SLC49A3: variants seen among roughly 807,000 people sequenced by gnomAD.
SLC49A3 encodes solute carrier family 49 member 3.
Under a neutral mutation model 43.8 loss-of-function variants are expected in SLC49A3, and 50 were observed. That is an observed-to-expected ratio of 1.14 (90% confidence interval 0.91 to 1.45). The LOEUF is 1.45. SLC49A3 is among the 40% of genes most tolerant of loss of function. The probability of loss-of-function intolerance (pLI) is 0.00; values close to 1 mark genes in which losing one functional copy is unlikely to be tolerated. For synonymous variants in SLC49A3, 413 were observed against 352.0 expected (o/e 1.17, Z -1.94); for missense variants, 906 against 774.1 (o/e 1.17, Z -2.02).
rs1188830312 is a variant in SLC49A3, at chr4:682,251, C to T, written c.1387G>A (p.Gly463Ser). ...ACACCCGGCCCTGAGTCTGCGCCGC[C>T]CACGGCGTTACGGGTGGAGGGGGGC... ...GEPPSTRNAV[G>S]GADSGPGVDR... The change falls in exon 10 of 10, where the codon GGC becomes AGC. Residue 463 changes from glycine to serine, a missense_variant. Coordinates refer to ENST00000322224, the MANE Select transcript of SLC49A3 (RefSeq NM_032219.4). 1 of 1,384,318 alleles carries T rather than the reference C, an allele frequency of 7.2e-7. No individual in the cohort carries two copies. Among genetic ancestry groups the T allele is most frequent in the Non-Finnish European group, 9.4e-7 (1 of 1,058,396 alleles). 85.8% of individuals were successfully genotyped at this position (1,384,318 alleles called of 1,614,324 possible).
At position 683,536 on chromosome 4, in the gene SLC49A3, C is replaced by A. The variant is rs1426257494; in HGVS notation, c.993+73G>T. 2.0e-6 allele frequency: 3 copies of A among 1,533,442 alleles called. No individual in the cohort carries two copies. In the African/African-American group the frequency reaches 4.1e-5, roughly 21 times the overall value. 95.0% of individuals were successfully genotyped at this position (1,533,442 alleles called of 1,614,324 possible). A position where few individuals can be genotyped will look rare whatever the true frequency, so the allele number is the denominator to read the frequency against. ...GTCCAGACCTCTGTTCCAGCCAAGC[C>A]GCCAACCGCCCTCTCCGGGCCTCAC... On this transcript the variant is annotated intron_variant, in intron 7 of 9. Coordinates refer to ENST00000322224, the MANE Select transcript of SLC49A3 (RefSeq NM_032219.4).
chr4:681,702 C>G (rs1166477405), downstream of SLC49A3: 314 of 75,020 alleles, frequency 4.2e-3, 2 homozygotes, highest in South Asian at 0.018. Context: ...CCAGCGCCGC[C>G]CCGCCCCCTC....
At chr4:689,410 A>C, upstream of SLC49A3, 1 of 258,964 alleles carries the variant, frequency 3.9e-6, no homozygotes, top group Non-Finnish European at 7.3e-6. Context: ...CCTTCCGGGA[A>C]GGGCCCCGGT....
downstream of SLC49A3, among the ~76,000 whole-genome samples, chr4:677,265 A>T (rs1246030281): frequency 6.6e-6 from 1 of 152,122 alleles, no homozygotes; most frequent in African/African-American, 2.4e-5. Flanking sequence ...GGGCATCTGG[A>T]TGCTGACTCT....
At chr4:677,860 C>A (rs902303857), downstream of SLC49A3, 2 of 1,161,146 alleles carry the variant, frequency 1.7e-6, no homozygotes, top group East Asian at 2.4e-5. Context: ...CACTGCCAGG[C>A]TGCCAAAGCT....
rs2109382332 is a variant in SLC49A3 at position 681,996 on chromosome 4, A to G, written c.1642T>C (p.Ser548Pro). Residue 548 changes from serine (S) to proline (P), a missense_variant, in exon 10 of 10, where the codon TCT becomes CCT. By Grantham distance (74) the Ser-to-Pro change is moderately conservative. Coordinates refer to ENST00000322224, the MANE Select transcript of SLC49A3 (RefSeq NM_032219.4). ...QASRFIDPAGSHSSFSSPWVI... is the reference protein window; with the variant it reads ...QASRFIDPAGPHSSFSSPWVI... ...CACGGGGAGGAGAAGGAGGAGTGAGACCCAGCCGGGTCAATAAACCTGGAC... is the reference window on the plus strand; with the variant it reads ...CACGGGGAGGAGAAGGAGGAGTGAGGCCCAGCCGGGTCAATAAACCTGGAC... 1 of 1,416,906 alleles carries G rather than the reference A, an allele frequency of 7.1e-7. No homozygotes were observed. Among genetic ancestry groups the G allele is most frequent in the South Asian group, 1.5e-5 (1 of 65,026 alleles). The allele number at this position is 1,416,906 out of a possible 1,614,324, so 87.8% of individuals were successfully genotyped here.
intron 4 of SLC49A3, 115 bp from the exon 5 acceptor site, chr4:684,971 C>T: frequency 2.1e-6 from 3 of 1,399,080 alleles, no homozygotes; most frequent in Non-Finnish European, 2.9e-6. Context: ...CACCGGCTGC[C>T]TCCCAACCTC....
In SLC49A3 at chr4:682,658, G is replaced by A. The variant is rs530907550; in HGVS notation, c.1261+123C>T. 1.3e-5 allele frequency: 10 copies of A among 751,066 alleles called. 1 individual carries two copies. The highest frequency in any genetic ancestry group is 5.0e-4 in the Middle Eastern group (2 of 4,036). 46.5% of individuals were successfully genotyped at this position (751,066 alleles called of 1,614,324 possible). On this transcript the variant is annotated intron_variant, in intron 9 of 9. Transcript: ENST00000322224. ...GTCCTATTGCCCGGGGACTCCCTGC[G>A]TGGTGCTCACCTGTCCTGCTGTTTA... is the stretch of plus-strand genomic sequence containing the variant.
intron 1 of SLC49A3, among the ~76,000 whole-genome samples, chr4:686,922 G>A (rs149389591): frequency 2.6e-5 from 4 of 152,346 alleles, no homozygotes; most frequent in African/African-American, 9.6e-5. Flanking sequence ...AGCCTGGGGG[G>A]CAGACACTGA....
At chr4:680,837 C>T (rs1054435214), downstream of SLC49A3, 39 of 632,786 alleles carry the variant, frequency 6.2e-5, no homozygotes, top group Middle Eastern at 8.4e-4. Flanking sequence ...TCTTCAGCTC[C>T]TGCTAGGCGC....
At chr4:677,628 G>A (rs1738980083), downstream of SLC49A3, among the ~76,000 whole-genome samples, 2 of 152,234 alleles carry the variant, frequency 1.3e-5, no homozygotes, top group African/African-American at 4.8e-5. Flanking sequence ...CAGCAGCGTT[G>A]TGCAAATCTA....
At position 683,312 on chromosome 4, in the gene SLC49A3, C is replaced by G. The variant is rs1211037463; in HGVS notation, c.1049G>C (p.Gly350Ala). 6.2e-7 allele frequency: 1 copy of G among 1,612,504 alleles called. No individual in the cohort carries two copies. Residue 350 changes from glycine to alanine, a missense_variant, in exon 8 of 10, where the codon GGG becomes GCG. Physicochemically the swap from Gly to Ala is moderately conservative, Grantham distance 60. Coordinates refer to ENST00000322224, the MANE Select transcript of SLC49A3 (RefSeq NM_032219.4). ...LALAATCSLLGLFGFSVGPVA... is the reference protein window; with the variant it reads ...LALAATCSLLALFGFSVGPVA... ...GGGGCCCACCGAGAAGCCAAACAGC[C>G]CGAGCAGCGAGCAGGTGGCAGCCAG... is the stretch of plus-strand genomic sequence containing the variant.
chr4:683,244 C>A lies in SLC49A3; in HGVS notation c.1117G>T (p.Glu373Ter). Residue 373 changes from glutamate to a stop codon, truncating the protein, a stop_gained, in exon 8 of 10, where the codon GAG (glutamate) becomes TAG (stop). Transcript: ENST00000322224. LOFTEE classifies it high-confidence loss of function. Reference protein sequence around the residue: ...LAVECSFPVGEGAATGMIFVL... With the variant: ...LAVECSFPVG ...AAGATCATGCCTGTGGCAGCCCCCT[C>A]CCCCACGGGGAAGGAACACTCGACC... The A allele has an allele frequency of 6.2e-7, 1 of 1,612,806 alleles. No homozygotes were observed. The highest frequency in any genetic ancestry group is 8.5e-7 in the Non-Finnish European group (1 of 1,179,914).
In SLC49A3 at chr4:685,266, G is replaced by A. The variant is rs1195264795; in HGVS notation, c.586-410C>T. Among the ~76,000 whole-genome samples the A allele has an allele frequency of 1.3e-5, 2 of 151,958 alleles. No individual in the cohort carries two copies. Among genetic ancestry groups the A allele is most frequent in the Non-Finnish European group, 2.9e-5 (2 of 68,018 alleles). ...CCACCCGCACCTGATACACATGCAC[G>A]AGCACACACAGGTACACACCACACA... On this transcript the variant is annotated intron_variant, in intron 4 of 9. Coordinates refer to ENST00000322224, the MANE Select transcript of SLC49A3 (RefSeq NM_032219.4). This position sits in a 1 kb window ranked among gnomAD's most constrained non-coding sequence, Gnocchi z 4.3.
downstream of SLC49A3, chr4:680,567 A>G (rs1215055139): frequency 6.2e-7 from 1 of 1,613,434 alleles, no homozygotes; most frequent in Non-Finnish European, 8.5e-7. Flanking sequence ...CGGACGGGAA[A>G]GGGAAAATCA....
At position 686,689 on chromosome 4, in the gene SLC49A3, A is replaced by G; in HGVS notation, c.137T>C (p.Leu46Pro). 6.2e-7 allele frequency: 1 copy of G among 1,612,470 alleles called. No homozygotes were observed. Among genetic ancestry groups the G allele is most frequent in the Non-Finnish European group, 8.5e-7 (1 of 1,179,720 alleles). ...AGCCACAGGTGCAAAGCTGAGCCAC[A>G]GCTGCAGGGGTCAGGCGGGAGTCAG... ...ISLLNCSNAT[L>P]WLSFAPVADV... The change falls in exon 2 of 10, where the codon CTG becomes CCG. Residue 46 changes from leucine (L) to proline (P), a missense_variant and splice_region_variant. Leu to Pro is a moderately conservative substitution (Grantham distance 98). Transcript: ENST00000322224.
intron 2 of SLC49A3, 54 bp from the exon 3 acceptor site, chr4:686,356 C>A: frequency 1.3e-6 from 2 of 1,583,542 alleles, no homozygotes; most frequent in Non-Finnish European, 1.7e-6. Flanking sequence ...AGCCCAAGTG[C>A]CTGCCCCGTC....
In SLC49A3 at chr4:685,927, C is replaced by T. The variant is rs1740917701; in HGVS notation, c.509-16G>A. The T allele has an allele frequency of 2.5e-6, 4 of 1,613,784 alleles. No homozygotes were observed. The South Asian group carries it at 3.3e-5, about 13-fold the overall frequency. On this transcript the variant is annotated splice_polypyrimidine_tract_variant and intron_variant, in intron 3 of 9. Transcript: ENST00000322224. The surrounding 1 kb of genome is among the most constrained non-coding windows in gnomAD (Gnocchi z 4.3). ...AGAGGGTTCGCTGGGTGGGCGGATG[C>T]ACAAAGTGTCAGCTCGGCTGTGGCC...
At chr4:689,435 T>C (rs1741673115), upstream of SLC49A3, 1 of 227,086 alleles carries the variant, frequency 4.4e-6, no homozygotes, top group Admixed American at 5.8e-5. Context: ...GCCTGTGTGC[T>C]TCTCAGCAGG....
Sources: gnomAD v4.1 joint callset for allele counts (sites outside exome capture counted in the v4.1 genomes callset) on GRCh38, gnomAD v4.1.1 for gene constraint, Gnocchi (gnomAD v3.1) non-coding constraint, MANE v1.5 for transcripts, NCBI Gene and HGNC (gene_info 2026-07-23, HGNC 2026-07-21) for gene names.